Variants in ASTN1 observed in about 807,000 individuals in gnomAD.
ASTN1 encodes astrotactin-1.
Under a neutral mutation model 140.7 loss-of-function variants are expected in ASTN1, and 41 were observed. The ratio of observed to expected loss-of-function variants is 0.29; its 90% CI spans 0.23 to 0.38. The LOEUF is 0.38. Among genes scored for constraint, ASTN1 ranks in the 10% least tolerant of loss-of-function variants. The pLI is 1.00. For synonymous variants in ASTN1, 640 were observed against 652.2 expected, an observed-to-expected ratio of 0.98 and a Z score of 0.29; for missense variants, 1,479 against 1,678.8, an observed-to-expected ratio of 0.88 and a Z score of 2.08.
chr1:176,949,939 G>C (rs946316508), intron 11 of ASTN1, among the ~76,000 whole-genome samples: 1 of 152,184 alleles, frequency 6.6e-6, no homozygotes, highest in African/African-American at 2.4e-5. Flanking sequence ...CCCTGTGTCA[G>C]GGATGCTCTT....
At chr1:177,073,360 T>C (rs1678736388) in intron 1 of ASTN1, among the ~76,000 whole-genome samples, 1 of 152,026 alleles carries the variant, frequency 6.6e-6, no homozygotes, top group South Asian at 2.1e-4. Flanking sequence ...GCAAGTTTCA[T>C]ATAAATCATA....
chr1:176,981,199 G>A (rs1448787014), intron 8 of ASTN1, among the ~76,000 whole-genome samples: 1 of 105,534 alleles, frequency 9.5e-6, no homozygotes, highest in African/African-American at 3.9e-5. Flanking sequence ...GTGACAGAAG[G>A]AGACTCTGTC....
intron 16 of ASTN1, among the ~76,000 whole-genome samples, chr1:176,923,832 G>T (rs1469840355): frequency 1.3e-5 from 2 of 152,150 alleles, no homozygotes; most frequent in Non-Finnish European, 2.9e-5. Flanking sequence ...CATCCCAAAA[G>T]ATGTGAAAAC....
intron 1 of ASTN1, among the ~76,000 whole-genome samples, chr1:177,082,783 C>T (rs774114285): frequency 4.8e-4 from 73 of 152,186 alleles, no homozygotes; most frequent in African/African-American, 1.1e-3. Context: ...GGAGCTCTGC[C>T]GCCATAGATT....
At chr1:177,122,027 T>C (rs889918806) in intron 1 of ASTN1, among the ~76,000 whole-genome samples, 2 of 152,092 alleles carry the variant, frequency 1.3e-5, no homozygotes, top group African/African-American at 2.4e-5. Flanking sequence ...AAGGAATAAA[T>C]GCTGAGAGAA....
intron 11 of ASTN1, among the ~76,000 whole-genome samples, chr1:176,957,091 C>T (rs1266064839): frequency 2.6e-5 from 4 of 151,422 alleles, no homozygotes; most frequent in African/African-American, 4.9e-5. Context: ...TTTGTAGAGA[C>T]GAGGGTCTCA....
intron 16 of ASTN1, among the ~76,000 whole-genome samples, chr1:176,901,852 T>G (rs1162740515): frequency 6.6e-6 from 1 of 152,242 alleles, no homozygotes; most frequent in African/African-American, 2.4e-5. Flanking sequence ...CCAAAGGGTT[T>G]ATGTTCTTGT....
intron 5 of ASTN1, among the ~76,000 whole-genome samples, chr1:177,027,161 G>T (rs914923859): frequency 5.9e-5 from 9 of 152,048 alleles, no homozygotes; most frequent in Non-Finnish European, 1.2e-4. Context: ...TGTCAGCCTG[G>T]TATACACCTA....
chr1:176,892,368 G>T (rs1422455007), intron 17 of ASTN1, among the ~76,000 whole-genome samples: 2 of 152,138 alleles, frequency 1.3e-5, no homozygotes, highest in African/African-American at 4.8e-5. Flanking sequence ...TGTGATGGGG[G>T]TATCATAAAA....
intron 1 of ASTN1, among the ~76,000 whole-genome samples, chr1:177,125,805 C>A (rs908053091): frequency 1.3e-5 from 2 of 152,134 alleles, no homozygotes; most frequent in East Asian, 1.9e-4. Flanking sequence ...TATGAACTTA[C>A]CTCGATTATT....
At chr1:176,935,450 A>G (rs1304553733) in intron 15 of ASTN1, among the ~76,000 whole-genome samples, 1 of 152,164 alleles carries the variant, frequency 6.6e-6, no homozygotes, top group Admixed American at 6.5e-5. Flanking sequence ...TGAGGTCCCC[A>G]TCCTAATCAC....
In ASTN1 at chr1:176,991,130, G is replaced by T. The variant is rs1020545699; in HGVS notation, c.1523+23661C>A. Among the ~76,000 whole-genome samples, 9 of 152,220 alleles carry T rather than the reference G, an allele frequency of 5.9e-5. No individual in the cohort carries two copies. The Middle Eastern group carries it at 0.01, about 173-fold the overall frequency. On this transcript the variant is annotated intron_variant, in intron 8 of 22. Transcript: ENST00000361833. ...AACCATAAAAATTATAGAGCCGGCC[G>T]GGTGCAGTGGCTCATGCCTGTAATC...
chr1:177,028,834 C>T (rs1241510182), intron 5 of ASTN1, among the ~76,000 whole-genome samples: 3 of 152,198 alleles, frequency 2.0e-5, no homozygotes, highest in African/African-American at 7.2e-5. Context: ...ACTCATTTGA[C>T]ATGTGAGTAA....
intron 21 of ASTN1, among the ~76,000 whole-genome samples, chr1:176,870,865 A>T (rs1054585251): frequency 2.0e-5 from 3 of 152,190 alleles, no homozygotes; most frequent in South Asian, 4.1e-4. Flanking sequence ...ATTGCCAAGA[A>T]CTTTGCACAT....
At chr1:177,147,300 G>T (rs556594665) in intron 1 of ASTN1, among the ~76,000 whole-genome samples, 23 of 152,134 alleles carry the variant, frequency 1.5e-4, no homozygotes, top group Non-Finnish European at 3.1e-4. Context: ...CCAGGAGTTA[G>T]TCTGTTAAAG....
chr1:176,959,687 C>T (rs189074261), intron 9 of ASTN1, among the ~76,000 whole-genome samples: 4 of 152,218 alleles, frequency 2.6e-5, no homozygotes, highest in South Asian at 2.1e-4. Flanking sequence ...GCCAGCTTAA[C>T]GCAGGGGATT....
intron 8 of ASTN1, among the ~76,000 whole-genome samples, chr1:176,995,112 A>T (rs995183344): frequency 3.3e-5 from 5 of 152,244 alleles, no homozygotes. Context: ...TAGAACTTGC[A>T]CACATAACCT....
At chr1:176,951,780 G>A (rs920836296) in intron 11 of ASTN1, among the ~76,000 whole-genome samples, 2 of 152,168 alleles carry the variant, frequency 1.3e-5, no homozygotes, top group African/African-American at 4.8e-5. Flanking sequence ...AAGACAGTTA[G>A]CTGTCTTGTC....
At chr1:176,964,022 G>A (rs1417835469) in intron 9 of ASTN1, among the ~76,000 whole-genome samples, 1 of 152,184 alleles carries the variant, frequency 6.6e-6, no homozygotes, top group Non-Finnish European at 1.5e-5. Context: ...CTCTAGGTAG[G>A]AGCACGCCTA....
Sources: gnomAD v4.1 joint callset for allele counts (sites outside exome capture counted in the v4.1 genomes callset) on GRCh38, gnomAD v4.1.1 for gene constraint, MANE v1.5 for transcripts, NCBI Gene and HGNC (gene_info 2026-07-23, HGNC 2026-07-21) for gene names.